Variants in DCAF4 observed in about 807,000 individuals in gnomAD.
The protein encoded by DCAF4 is DDB1- and CUL4-associated factor 4.
In DCAF4, 37 loss-of-function variants were observed where a neutral mutation model predicts 60.9. That is an observed-to-expected ratio of 0.61 (90% CI 0.47 to 0.80). The LOEUF (loss-of-function observed/expected upper bound fraction) is 0.80, where lower values mean the gene tolerates loss of function less well. DCAF4 is among the 30% of genes least tolerant of loss of function. The probability of loss-of-function intolerance (pLI) is 0.00; values close to 1 mark genes in which losing one functional copy is unlikely to be tolerated. For synonymous variants in DCAF4, 243 were observed against 254.8 expected, an observed-to-expected ratio of 0.95 and a Z score of 0.44; for missense variants, 577 against 650.0, an observed-to-expected ratio of 0.89 and a Z score of 1.22.
intron 9 of DCAF4, among the ~76,000 whole-genome samples, chr14:72,953,732 A>AAAAAAAATATATATATATAT (rs1555527852): frequency 1.4e-4 from 3 of 21,776 alleles, no homozygotes; most frequent in South Asian, 2.5e-3. Flanking sequence ...AAAAAAAAAA[A>AAAAAAAATATATATATATAT]ATATATATAT....
chr14:72,951,374 G>A (rs1891383799), intron 8 of DCAF4, among the ~76,000 whole-genome samples: 1 of 152,138 alleles, frequency 6.6e-6, no homozygotes, highest in South Asian at 2.1e-4. Flanking sequence ...CACTTTGGGA[G>A]GCCGAGGCGG....
At chr14:72,936,489 G>A (rs1202203548) in intron 1 of DCAF4, among the ~76,000 whole-genome samples, 15 of 151,158 alleles carry the variant, frequency 9.9e-5, no homozygotes, top group African/African-American at 3.2e-4. Context: ...GCTTGAACCC[G>A]AGAGGCAGAG....
chr14:72,927,343 CTTTTTTTTTTTT>C (rs547199942), intron 1 of DCAF4, among the ~76,000 whole-genome samples: 3 of 87,346 alleles, frequency 3.4e-5, no homozygotes, highest in Non-Finnish European at 6.6e-5. Flanking sequence ...CGGTGGTGTT[CTTTTTTTTTTTT>C]TTTTTTTTTT....
At chr14:72,939,929 C>T (rs759691749) in intron 3 of DCAF4, 27 bp downstream of exon 3, 9 of 1,566,112 alleles carry the variant, frequency 5.7e-6, no homozygotes, top group Non-Finnish European at 7.8e-6. Flanking sequence ...GGTGGGAATC[C>T]TGGCCCTTGC....
At position 72,940,424 on chromosome 14, in the gene DCAF4, C is replaced by T. The variant is rs142034868; in HGVS notation, c.351+47C>T. 634 of 1,561,200 alleles carry T rather than the reference C, an allele frequency of 4.1e-4. 4 individuals carry two copies. The highest frequency in any genetic ancestry group is 2.2e-3 in the Middle Eastern group (12 of 5,420). On this transcript the variant is annotated intron_variant, in intron 4 of 13. Coordinates refer to ENST00000358377, the MANE Select transcript of DCAF4 (RefSeq NM_015604.4). The stretch of plus-strand genomic sequence containing the variant: ...CCCCTGTCCTCTCCGCTCCTGCCAG[C>T]ACCTGTCCATCCACTGTTGAAAAGG...
chr14:72,942,004 G>C (rs1289897269), intron 5 of DCAF4, 180 bp downstream of exon 5: 1 of 608,490 alleles, frequency 1.6e-6, no homozygotes, highest in Non-Finnish European at 2.9e-6. Flanking sequence ...TGAGAAAGCT[G>C]TTCTCTCTAG....
At chr14:72,945,746 A>T in intron 6 of DCAF4, 138 bp from the exon 7 acceptor site, 1 of 1,157,700 alleles carries the variant, frequency 8.6e-7, no homozygotes, top group Non-Finnish European at 1.2e-6. Context: ...GGTCATCTCC[A>T]CTCTCGCTCA....
chr14:72,944,751 C>T (rs1458320814), intron 6 of DCAF4, among the ~76,000 whole-genome samples: 7 of 151,902 alleles, frequency 4.6e-5, no homozygotes, highest in Non-Finnish European at 1.0e-4. Context: ...ATGATTGTGC[C>T]ACCACACTCC....
chr14:72,929,884 T>C (rs1888307818), intron 1 of DCAF4: 3 of 1,471,518 alleles, frequency 2.0e-6, no homozygotes, highest in Admixed American at 3.9e-5. Flanking sequence ...CTTGGTCACC[T>C]TGTGGCCCTT....
Position 72,959,150 on chromosome 14 carries a change from G to A in DCAF4, c.*345G>A, listed in dbSNP as rs1013940072. ...AAAAACGAAAAGCTTCTTCCTCCAAGAGCCCATTGAAGAAGCCCAGTGATG... is the reference window on the plus strand; with the variant it reads ...AAAAACGAAAAGCTTCTTCCTCCAAAAGCCCATTGAAGAAGCCCAGTGATG... On this transcript the variant is annotated 3_prime_UTR_variant, in exon 14 of 14. Transcript: ENST00000358377. The A allele has an allele frequency of 3.0e-6, 3 of 1,009,706 alleles. No homozygotes were observed. Among genetic ancestry groups the A allele is most frequent in the Non-Finnish European group, 2.4e-6 (2 of 845,598 alleles). 62.5% of individuals were successfully genotyped at this position (1,009,706 alleles called of 1,614,324 possible). A position where few individuals can be genotyped will look rare whatever the true frequency, so the allele number is the denominator to read the frequency against.
chr14:72,946,633 G>A (rs1157317265), intron 7 of DCAF4, among the ~76,000 whole-genome samples: 1 of 152,198 alleles, frequency 6.6e-6, no homozygotes, highest in East Asian at 1.9e-4. Context: ...TGGCCTGCAT[G>A]GGAGGGGTCC....
chr14:72,940,197 G>A (rs751983056), intron 3 of DCAF4, 23 bp from the exon 4 acceptor site: 7 of 1,613,708 alleles, frequency 4.3e-6, no homozygotes, highest in Non-Finnish European at 5.9e-6. Context: ...TGAAATTGGT[G>A]CATTTAATTT....
chr14:72,943,687 G>T (rs1890342309), intron 6 of DCAF4, among the ~76,000 whole-genome samples: 1 of 152,218 alleles, frequency 6.6e-6, no homozygotes, highest in South Asian at 2.1e-4. Flanking sequence ...CAGAGAGCTA[G>T]AAGGACCACT....
intron 8 of DCAF4, among the ~76,000 whole-genome samples, chr14:72,949,745 A>C (rs569118122): frequency 1.5e-4 from 23 of 152,370 alleles, no homozygotes; most frequent in African/African-American, 5.5e-4. Flanking sequence ...CGAAAGAGCA[A>C]GACTCCATCT....
chr14:72,931,718 A>G (rs1008133080), intron 1 of DCAF4, among the ~76,000 whole-genome samples: 14 of 152,090 alleles, frequency 9.2e-5, no homozygotes, highest in Admixed American at 5.2e-4. Context: ...AGTATGTTGA[A>G]TGTTTTTTTA....
intron 1 of DCAF4, among the ~76,000 whole-genome samples, chr14:72,932,623 T>C (rs1888714454): frequency 1.3e-5 from 2 of 152,238 alleles, no homozygotes; most frequent in South Asian, 4.1e-4. Context: ...GATTTTAACA[T>C]CTAGAGCAGC....
At chr14:72,937,218 A>G (rs538867192) in intron 1 of DCAF4, among the ~76,000 whole-genome samples, 1 of 19,084 alleles carries the variant, frequency 5.2e-5, no homozygotes, top group African/African-American at 1.0e-4. Flanking sequence ...ACATTAACAT[A>G]TGGGGGAACA....
intron 1 of DCAF4, among the ~76,000 whole-genome samples, chr14:72,935,388 G>A (rs960709683): frequency 4.6e-5 from 7 of 151,974 alleles, no homozygotes; most frequent in African/African-American, 7.3e-5. Flanking sequence ...CCAAGTAACC[G>A]GGATTACAGG....
downstream of DCAF4, chr14:72,961,942 G>A (rs1892836636): frequency 2.6e-6 from 3 of 1,146,054 alleles, no homozygotes; most frequent in Admixed American, 3.6e-5. Context: ...GAACACCCCA[G>A]CTCTCCGTCG....
Sources: allele counts gnomAD v4.1 joint callset (sites outside exome capture counted in the v4.1 genomes callset), GRCh38; gene constraint gnomAD v4.1.1; transcripts MANE v1.5; gene names NCBI Gene and HGNC (gene_info 2026-07-23, HGNC 2026-07-21).